The following RASGEF1C variants were observed in gnomAD, a reference collection of about 807,000 sequenced individuals.
The protein encoded by RASGEF1C is RasGEF domain family member 1C.
RASGEF1C carries 27 observed loss-of-function variants against 58.1 expected under a neutral mutation model. The ratio of observed to expected loss-of-function variants is 0.46; its 90% confidence interval spans 0.34 to 0.64. The LOEUF (loss-of-function observed/expected upper bound fraction) is 0.64. Among genes scored for constraint, RASGEF1C ranks in the 30% least tolerant of loss-of-function variants. RASGEF1C has a pLI of 0.01. For missense variants in RASGEF1C, 502 were observed against 605.1 expected (o/e 0.83, Z 1.79); for synonymous variants, 243 against 246.3 (o/e 0.99, Z 0.13).
intron 1 of RASGEF1C, among the ~76,000 whole-genome samples, chr5:180,204,787 G>A (rs1377560676): frequency 6.6e-6 from 1 of 152,140 alleles, no homozygotes; most frequent in African/African-American, 2.4e-5. Flanking sequence ...TACTGAATTG[G>A]AGGTATTCAG....
At chr5:180,190,294 TG>T (rs1343199653) in intron 1 of RASGEF1C, among the ~76,000 whole-genome samples, 1 of 151,526 alleles carries the variant, frequency 6.6e-6, no homozygotes, top group Non-Finnish European at 1.5e-5. Flanking sequence ...GAGACCATCC[TG>T]GCTAACACGG....
intron 4 of RASGEF1C, among the ~76,000 whole-genome samples, chr5:180,132,697 G>A (rs1030135439): frequency 3.3e-5 from 5 of 152,162 alleles, no homozygotes; most frequent in East Asian, 1.9e-4. Flanking sequence ...CAGGCCGGGC[G>A]CGGTGGCTCA....
intron 1 of RASGEF1C, among the ~76,000 whole-genome samples, chr5:180,176,435 C>T (rs1198114763): frequency 1.3e-5 from 2 of 152,252 alleles, no homozygotes; most frequent in South Asian, 2.1e-4. Flanking sequence ...ATGAGGCAGG[C>T]CCCGCGCCAT....
intron 1 of RASGEF1C, among the ~76,000 whole-genome samples, chr5:180,200,145 A>T: frequency 6.6e-6 from 1 of 151,858 alleles, no homozygotes; most frequent in East Asian, 2.0e-4. Context: ...CTGTAATTCC[A>T]GCTACTCAGG....
chr5:180,138,060 T>G lies in RASGEF1C; in HGVS notation c.-6-2A>C. ...ACTCAGCGTCTGTGGCATGTCTGCCTGCAATGGCAAGGAGCAGTGAGGACC... is the reference window on the plus strand; with the variant it reads ...ACTCAGCGTCTGTGGCATGTCTGCCGGCAATGGCAAGGAGCAGTGAGGACC... On this transcript the variant is annotated splice_acceptor_variant, in intron 1 of 13. Transcript: ENST00000361132. LOFTEE classifies it low-confidence loss of function (5UTR_SPLICE). The G allele has an allele frequency of 6.7e-7, 1 of 1,487,376 alleles. No homozygotes were observed. The highest frequency in any genetic ancestry group is 8.9e-7 in the Non-Finnish European group (1 of 1,121,610). 92.1% of individuals were successfully genotyped at this position (1,487,376 alleles called of 1,614,324 possible).
chr5:180,119,004 G>GA, intron 8 of RASGEF1C, 138 bp from the exon 9 acceptor site: 1 of 768,966 alleles, frequency 1.3e-6, no homozygotes, highest in South Asian at 1.6e-5. Context: ...TGGGTGAGGG[G>GA]GTGCTGGTGG....
intron 4 of RASGEF1C, 29 bp from the exon 5 acceptor site, chr5:180,128,639 A>G (rs375231921): frequency 4.4e-6 from 7 of 1,604,246 alleles, no homozygotes; most frequent in Admixed American, 1.7e-5. Context: ...GGCGCTCAGG[A>G]CTGAACACTC....
rs1766118823 is a variant in RASGEF1C, at chr5:180,118,875, G to A, written c.908-9C>T. ...GCTCATGTTCATGCCGGCTGGAAGAGGGAGGAGGGTTGGAGAGGGCTGCTC... is the reference window on the plus strand; with the variant it reads ...GCTCATGTTCATGCCGGCTGGAAGAAGGAGGAGGGTTGGAGAGGGCTGCTC... On this transcript the variant is annotated splice_polypyrimidine_tract_variant and intron_variant, in intron 8 of 13. Coordinates refer to ENST00000361132, the MANE Select transcript of RASGEF1C (RefSeq NM_175062.4). 3 of 1,613,906 alleles carry A rather than the reference G, an allele frequency of 1.9e-6. No individual in the cohort carries two copies. Among genetic ancestry groups the A allele is most frequent in the East Asian group, 2.2e-5 (1 of 44,898 alleles).
intron 1 of RASGEF1C, among the ~76,000 whole-genome samples, chr5:180,192,625 A>G (rs1756183769): frequency 6.6e-6 from 1 of 152,236 alleles, no homozygotes; most frequent in South Asian, 2.1e-4. Flanking sequence ...GTCAATTTCA[A>G]AGACAGCATG....
intron 1 of RASGEF1C, among the ~76,000 whole-genome samples, chr5:180,154,684 C>G (rs1271764436): frequency 6.6e-6 from 1 of 151,908 alleles, no homozygotes; most frequent in Non-Finnish European, 1.5e-5. Flanking sequence ...AGGTTCACGC[C>G]ATTCTCCTGC....
chr5:180,201,698 C>T (rs914717332), intron 1 of RASGEF1C, among the ~76,000 whole-genome samples: 2 of 152,196 alleles, frequency 1.3e-5, no homozygotes, highest in African/African-American at 4.8e-5. Context: ...ATAATGGAAA[C>T]GTAGTCCCCA....
intron 1 of RASGEF1C, among the ~76,000 whole-genome samples, chr5:180,166,985 AT>A (rs1192290940): frequency 4.0e-5 from 6 of 151,800 alleles, no homozygotes; most frequent in Non-Finnish European, 1.5e-5. Flanking sequence ...TGCTTACAAT[AT>A]TTTTTCTTTG....
At chr5:180,189,363 T>G (rs1038190117) in intron 1 of RASGEF1C, among the ~76,000 whole-genome samples, 2 of 152,236 alleles carry the variant, frequency 1.3e-5, no homozygotes, top group African/African-American at 2.4e-5. Flanking sequence ...CTATAGACTT[T>G]AGAAATTGAT....
intron 10 of RASGEF1C, chr5:180,115,411 GAA>G (rs1766049756): frequency 8.5e-6 from 3 of 351,918 alleles, no homozygotes; most frequent in South Asian, 6.9e-5. Context: ...TGAAGGAAAA[GAA>G]AGGCTCACGG....
chr5:180,105,831 G>A (rs1214543754), intron 12 of RASGEF1C, among the ~76,000 whole-genome samples: 1 of 152,034 alleles, frequency 6.6e-6, no homozygotes, highest in East Asian at 1.9e-4. Context: ...TCGTGCCACT[G>A]CACTCCAGCC....
chr5:180,200,224 C>G (rs1005057062), intron 1 of RASGEF1C, among the ~76,000 whole-genome samples: 1 of 151,220 alleles, frequency 6.6e-6, no homozygotes, highest in African/African-American at 2.4e-5. Flanking sequence ...TGAGATTGTG[C>G]CACTGCATTC....
At chr5:180,124,275 C>T (rs1012154963) in intron 6 of RASGEF1C, among the ~76,000 whole-genome samples, 1 of 151,832 alleles carries the variant, frequency 6.6e-6, no homozygotes, top group African/African-American at 2.4e-5. Flanking sequence ...CTAGATGGTT[C>T]CACTGGCTAA....
At chr5:180,127,013 T>C (rs1766274495) in intron 6 of RASGEF1C, among the ~76,000 whole-genome samples, 2 of 152,008 alleles carry the variant, frequency 1.3e-5, no homozygotes, top group Admixed American at 1.3e-4. Context: ...TTTGTACTTT[T>C]ATTAGGTGTG....
rs1397855185 is a variant in RASGEF1C at position 180,197,381 on chromosome 5, C to T, written c.-7+11647G>A. 6.6e-6 allele frequency among the ~76,000 whole-genome samples: 1 copy of T among 152,184 alleles called. No individual in the cohort carries two copies. The highest frequency in any genetic ancestry group is 1.5e-5 in the Non-Finnish European group (1 of 68,034). ...GTGGACCCAGGCTGGACAGAGAAGG[C>T]CTGGGGGTTAACAGAGAGGCACTCC... On this transcript the variant is annotated intron_variant, in intron 1 of 13. Transcript: ENST00000361132. The surrounding 1 kb of genome is among the most constrained non-coding windows in gnomAD (Gnocchi z 4.7).
Sources: gnomAD v4.1 joint callset for allele counts (sites outside exome capture counted in the v4.1 genomes callset) on GRCh38, gnomAD v4.1.1 for gene constraint, Gnocchi (gnomAD v3.1) non-coding constraint, MANE v1.5 for transcripts, NCBI Gene and HGNC (gene_info 2026-07-23, HGNC 2026-07-21) for gene names.